Variants in IL33 observed in about 807,000 individuals in gnomAD.
The protein encoded by IL33 is interleukin-33.
A neutral mutation model predicts 27.3 loss-of-function variants in IL33; 37 were observed. The ratio of observed to expected loss-of-function variants is 1.36; its 90% CI spans 1.04 to 1.78. The LOEUF (loss-of-function observed/expected upper bound fraction) is 1.78, where lower values mean the gene tolerates loss of function less well. IL33 is among the 40% of genes most tolerant of loss of function. The pLI is 0.00. For synonymous variants in IL33, 132 were observed against 102.9 expected, an observed-to-expected ratio of 1.28 and a Z score of -1.71; for missense variants, 406 against 311.4, an observed-to-expected ratio of 1.30 and a Z score of -2.29.
intron 1 of IL33, among the ~76,000 whole-genome samples, chr9:6,233,497 C>T (rs1453204732): frequency 6.6e-6 from 1 of 152,172 alleles, no homozygotes; most frequent in Non-Finnish European, 1.5e-5. Flanking sequence ...TCATTGGCTA[C>T]TTTCTTTCTG....
At position 6,252,970 on chromosome 9, in the gene IL33, T is replaced by A; in HGVS notation, c.448T>A (p.Leu150Met). Residue 150 changes from leucine (L) to methionine (M), a missense_variant, in exon 5 of 8, where the codon TTG (leucine) becomes ATG (methionine). Physicochemically the swap from Leu to Met is conservative, Grantham distance 15. Coordinates refer to ENST00000682010, the MANE Select transcript of IL33 (RefSeq NM_033439.4). Reference sequence around the variant, plus strand: ...AAGTTATGAGATATATGTTGAAGACTTGAAAAAAGATGAAAAGAAAGGTAG... The same window carrying A: ...AAGTTATGAGATATATGTTGAAGACATGAAAAAAGATGAAAAGAAAGGTAG... ...DESYEIYVED[L>M]KKDEKKDKVL... is the part of the protein sequence containing the mutation. 1.3e-6 allele frequency: 2 copies of A among 1,548,920 alleles called. No homozygotes were observed. The highest frequency in any genetic ancestry group is 1.8e-6 in the Non-Finnish European group (2 of 1,137,290).
At position 6,251,218 on chromosome 9, in the gene IL33, C is replaced by T; in HGVS notation, c.296C>T (p.Ser99Leu). Residue 99 changes from serine to leucine, a missense_variant, in exon 4 of 8, where the codon TCA (serine) becomes TTA (leucine). Physicochemically the swap from Ser to Leu is moderately radical, Grantham distance 145 (BLOSUM62 -2). Transcript: ENST00000682010. ...GTGGAGTGCTTTGCCTTTGGTATAT[C>T]AGGGGTCCAGAAATATACTAGAGCA... ...STVECFAFGI[S>L]GVQKYTRALH... is the part of the protein sequence containing the mutation. 1.2e-6 allele frequency: 2 copies of T among 1,613,924 alleles called. No homozygotes were observed. Among genetic ancestry groups the T allele is most frequent in the South Asian group, 2.2e-5 (2 of 91,072 alleles).
intron 1 of IL33, among the ~76,000 whole-genome samples, chr9:6,229,542 A>T (rs969839881): frequency 6.6e-6 from 1 of 152,238 alleles, no homozygotes; most frequent in Non-Finnish European, 1.5e-5. Flanking sequence ...CTGTAAGTCA[A>T]AATGGTGAAG....
intron 1 of IL33, among the ~76,000 whole-genome samples, chr9:6,219,322 C>A (rs1032638257): frequency 2.0e-5 from 3 of 151,752 alleles, no homozygotes; most frequent in African/African-American, 4.8e-5. Flanking sequence ...GGGGACACAA[C>A]CTTAGTGGGC....
At chr9:6,248,418 G>A (rs1820005071) in intron 2 of IL33, among the ~76,000 whole-genome samples, 1 of 151,688 alleles carries the variant, frequency 6.6e-6, no homozygotes, top group East Asian at 1.9e-4. Context: ...GAGTGGTTTG[G>A]TTATCAAGAG....
chr9:6,255,624 C>T (rs1414204409), intron 7 of IL33, among the ~76,000 whole-genome samples: 1 of 151,846 alleles, frequency 6.6e-6, no homozygotes, highest in East Asian at 1.9e-4. Context: ...ACTGGTTAGA[C>T]TAAAAAAAAT....
At chr9:6,241,847 A>G in intron 2 of IL33, 62 bp downstream of exon 2, 2 of 1,106,194 alleles carry the variant, frequency 1.8e-6, no homozygotes, top group Non-Finnish European at 2.7e-6. Context: ...TCAAATATTT[A>G]TACTCCAATG....
chr9:6,235,633 T>G (rs1819158416), intron 1 of IL33, among the ~76,000 whole-genome samples: 1 of 152,196 alleles, frequency 6.6e-6, no homozygotes, highest in South Asian at 2.1e-4. Context: ...GACAAGGGTC[T>G]AATTTCTTAG....
intron 1 of IL33, among the ~76,000 whole-genome samples, chr9:6,236,292 A>G (rs1587632548): frequency 1.3e-5 from 2 of 152,218 alleles, no homozygotes; most frequent in African/African-American, 4.8e-5. Context: ...TCTATTTTTT[A>G]AATAAAAGAG....
At position 6,242,079 on chromosome 9, in the gene IL33, C is replaced by A. The variant is rs568608280; in HGVS notation, c.91+294C>A. On this transcript the variant is annotated intron_variant, in intron 2 of 7. Coordinates refer to ENST00000682010, the MANE Select transcript of IL33 (RefSeq NM_033439.4). ...CTTTTATATCAACCACTTTTTGCTCCACACACCTCCTGCTGCCAAACCCCC... is the reference window on the plus strand; with the variant it reads ...CTTTTATATCAACCACTTTTTGCTCAACACACCTCCTGCTGCCAAACCCCC... 2.8e-4 allele frequency: 50 copies of A among 181,470 alleles called. 1 individual carries two copies. The East Asian group carries it at 6.1e-3, about 22-fold the overall frequency. 11.2% of individuals were successfully genotyped at this position (181,470 alleles called of 1,614,324 possible). A position where few individuals can be genotyped will look rare whatever the true frequency, so the allele number is the denominator to read the frequency against.
Position 6,241,768 on chromosome 9 carries a change from T to C in IL33, c.74T>C (p.Leu25Ser). 3.7e-6 allele frequency: 6 copies of C among 1,610,640 alleles called. No homozygotes were observed. Among genetic ancestry groups the C allele is most frequent in the African/African-American group, 2.7e-5 (2 of 74,936 alleles). Reference protein sequence around the residue: ...AKWKNTASKALCFKLGKSQQK... With the variant: ...AKWKNTASKASCFKLGKSQQK... ...TGGAAGAACACAGCAAGCAAAGCCT[T>C]GTGTTTCAAGCTGGGAAGTAAGGAC... The change falls in exon 2 of 8, where the codon TTG (leucine) becomes TCG (serine). Residue 25 changes from leucine to serine, a missense_variant. Coordinates refer to ENST00000682010, the MANE Select transcript of IL33 (RefSeq NM_033439.4).
In IL33 at chr9:6,256,488, G is replaced by C. The variant is rs1587677733; in HGVS notation, c.*320G>C. 1 of 414,650 alleles carries C rather than the reference G, an allele frequency of 2.4e-6. No individual in the cohort carries two copies. Among genetic ancestry groups the C allele is most frequent in the African/African-American group, 2.1e-5 (1 of 48,642 alleles). The allele number at this position is 414,650 out of a possible 1,614,324, so 25.7% of individuals were successfully genotyped here. Reference sequence around the variant, plus strand: ...CAGTCCAGAAAGAACTTCATATTTAGAGCTAAGGCCACTGAGGAAAGAGCC... The same window carrying C: ...CAGTCCAGAAAGAACTTCATATTTACAGCTAAGGCCACTGAGGAAAGAGCC... On this transcript the variant is annotated 3_prime_UTR_variant, in exon 8 of 8. Transcript: ENST00000682010.
At chr9:6,250,839 T>G (rs1023799919) in intron 3 of IL33, among the ~76,000 whole-genome samples, 1 of 152,192 alleles carries the variant, frequency 6.6e-6, no homozygotes, top group Non-Finnish European at 1.5e-5. Context: ...TGTGTAAATA[T>G]GTTTACAATA....
chr9:6,257,445 A>G lies in IL33; in HGVS notation c.*1277A>G, dbSNP rs1183686212. ...TGCTTTGTCTGTTGTAGAATTTTAG[A>G]TAAAGCTATTAATGGCAATATTTTT... On this transcript the variant is annotated 3_prime_UTR_variant, in exon 8 of 8. Transcript: ENST00000682010. The G allele has an allele frequency of 6.6e-6, 1 of 152,610 alleles. No homozygotes were observed. Among genetic ancestry groups the G allele is most frequent in the African/African-American group, 2.4e-5 (1 of 41,440 alleles). 9.5% of individuals were successfully genotyped at this position (152,610 alleles called of 1,614,324 possible). A position where few individuals can be genotyped will look rare whatever the true frequency, so the allele number is the denominator to read the frequency against.
chr9:6,218,395 C>T (rs1259073037), intron 1 of IL33, among the ~76,000 whole-genome samples: 1 of 151,898 alleles, frequency 6.6e-6, no homozygotes, highest in African/African-American at 2.4e-5. Context: ...ATAGCCAGAA[C>T]TGAAAACAAT....
intron 1 of IL33, among the ~76,000 whole-genome samples, chr9:6,226,677 T>C (rs1471777062): frequency 2.0e-5 from 3 of 152,230 alleles, no homozygotes; most frequent in African/African-American, 7.2e-5. Context: ...TATTTGGATC[T>C]TTTTCAAATA....
At chr9:6,224,622 A>T (rs1366295356) in intron 1 of IL33, among the ~76,000 whole-genome samples, 2 of 152,198 alleles carry the variant, frequency 1.3e-5, no homozygotes, top group Non-Finnish European at 2.9e-5. Context: ...TGGTTAAGCA[A>T]TCTGTTTGAT....
At chr9:6,248,741 CT>C (rs946083623) in intron 2 of IL33, among the ~76,000 whole-genome samples, 28 of 146,616 alleles carry the variant, frequency 1.9e-4, no homozygotes, top group East Asian at 4.0e-4. Context: ...TGCCCAGCTA[CT>C]TTTTTTTTTT....
chr9:6,228,773 G>A (rs1452710956), intron 1 of IL33, among the ~76,000 whole-genome samples: 1 of 149,934 alleles, frequency 6.7e-6, no homozygotes, highest in Non-Finnish European at 1.5e-5. Flanking sequence ...AAGATCCCTT[G>A]AACCTAGGAG....
Sources: allele counts gnomAD v4.1 joint callset (sites outside exome capture counted in the v4.1 genomes callset), GRCh38; gene constraint gnomAD v4.1.1; transcripts MANE v1.5; gene names NCBI Gene and HGNC (gene_info 2026-07-23, HGNC 2026-07-21).